Variants in TMEM135 observed in about 807,000 individuals in gnomAD.
TMEM135 encodes peroxisomal membrane protein 52.
In TMEM135, 30 loss-of-function variants were observed where a neutral mutation model predicts 60.3. The ratio of observed to expected loss-of-function variants is 0.50; its 90% CI spans 0.37 to 0.68. TMEM135 has a LOEUF of 0.68. TMEM135 is among the 30% of genes least tolerant of loss of function. The probability of loss-of-function intolerance (pLI) is 0.00; values close to 1 mark genes in which losing one functional copy is unlikely to be tolerated. For missense variants in TMEM135, 468 were observed against 548.8 expected (o/e 0.85, Z 1.47); for synonymous variants, 190 against 186.7 (o/e 1.02, Z -0.14).
At chr11:87,231,536 T>A (rs1387206107) in intron 5 of TMEM135, among the ~76,000 whole-genome samples, 19 of 151,874 alleles carry the variant, frequency 1.3e-4, no homozygotes. Flanking sequence ...ACGACAAAGC[T>A]CAAGAAAACT....
intron 1 of TMEM135, among the ~76,000 whole-genome samples, chr11:87,045,397 T>C (rs1949787255): frequency 6.6e-6 from 1 of 152,136 alleles, no homozygotes; most frequent in Non-Finnish European, 1.5e-5. Flanking sequence ...AACTACAGCC[T>C]CTAGCATGTC....
chr11:87,224,713 A>G (rs564480613), intron 5 of TMEM135, among the ~76,000 whole-genome samples: 173 of 151,082 alleles, frequency 1.1e-3, no homozygotes, highest in African/African-American at 4.1e-3. Context: ...CCCTGAGTTC[A>G]TATAGCACCT....
At chr11:87,160,323 T>C (rs1442430079) in intron 5 of TMEM135, among the ~76,000 whole-genome samples, 1 of 152,214 alleles carries the variant, frequency 6.6e-6, no homozygotes, top group Non-Finnish European at 1.5e-5. Flanking sequence ...TGTTTGAAAC[T>C]TATTTTATAG....
chr11:87,246,948 T>G (rs1400587507), intron 6 of TMEM135, among the ~76,000 whole-genome samples: 1 of 140,932 alleles, frequency 7.1e-6, no homozygotes, highest in Admixed American at 7.2e-5. Flanking sequence ...GAGTTTCCAG[T>G]TTTTCTGTTC....
At chr11:87,108,957 T>C (rs1857671038) in intron 4 of TMEM135, among the ~76,000 whole-genome samples, 1 of 152,012 alleles carries the variant, frequency 6.6e-6, no homozygotes, top group Non-Finnish European at 1.5e-5. Context: ...TATGGAAGAA[T>C]GTCAAAATCA....
chr11:87,082,647 T>G (rs896016898), intron 3 of TMEM135, among the ~76,000 whole-genome samples: 1 of 152,192 alleles, frequency 6.6e-6, no homozygotes, highest in Non-Finnish European at 1.5e-5. Context: ...GGAAGTAGAT[T>G]CATGTGTGAA....
rs184879453 is a variant in TMEM135, at chr11:87,081,194, G to T, written c.362+9579G>T. ...TAGATTATTTAGTTCATTAACATTTGAGGCATTTATTATTTATTGGTATGG... is the reference window on the plus strand; with the variant it reads ...TAGATTATTTAGTTCATTAACATTTTAGGCATTTATTATTTATTGGTATGG... On this transcript the variant is annotated intron_variant, in intron 3 of 14. Transcript: ENST00000305494. 2.6e-5 allele frequency among the ~76,000 whole-genome samples: 4 copies of T among 151,342 alleles called. No homozygotes were observed. The East Asian group carries it at 7.8e-4, about 29-fold the overall frequency.
intron 6 of TMEM135, among the ~76,000 whole-genome samples, chr11:87,286,672 A>T (rs941295831): frequency 6.6e-6 from 1 of 152,180 alleles, no homozygotes; most frequent in Non-Finnish European, 1.5e-5. Flanking sequence ...AATTGCATGA[A>T]TTTTCTTTAG....
intron 5 of TMEM135, among the ~76,000 whole-genome samples, chr11:87,233,311 A>C (rs1472523607): frequency 1.3e-5 from 2 of 152,112 alleles, no homozygotes; most frequent in Non-Finnish European, 2.9e-5. Context: ...TAAATATCTC[A>C]ATTAAGACAC....
intron 5 of TMEM135, among the ~76,000 whole-genome samples, chr11:87,192,095 C>T (rs1176300031): frequency 6.7e-6 from 1 of 149,032 alleles, no homozygotes; most frequent in Non-Finnish European, 1.5e-5. Context: ...GATCCCCCTG[C>T]CTCAGCCTCC....
intron 3 of TMEM135, among the ~76,000 whole-genome samples, chr11:87,086,176 A>C (rs947445619): frequency 2.0e-5 from 3 of 152,154 alleles, no homozygotes; most frequent in African/African-American, 7.2e-5. Flanking sequence ...TGTTCTTAGA[A>C]ATACCTTGTT....
intron 5 of TMEM135, among the ~76,000 whole-genome samples, chr11:87,217,771 T>G (rs1940534208): frequency 6.7e-6 from 1 of 149,398 alleles, no homozygotes; most frequent in South Asian, 2.1e-4. Flanking sequence ...GCAACAAGAG[T>G]GAAACTCTGT....
At chr11:87,052,905 G>T (rs1949851111) in intron 1 of TMEM135, among the ~76,000 whole-genome samples, 1 of 86,946 alleles carries the variant, frequency 1.2e-5, no homozygotes, top group Non-Finnish European at 2.2e-5. Flanking sequence ...CAAAGACTTG[G>T]AACCAACCCA....
intron 4 of TMEM135, among the ~76,000 whole-genome samples, chr11:87,129,627 GC>G (rs1314432727): frequency 6.8e-6 from 1 of 147,026 alleles, no homozygotes; most frequent in Admixed American, 7.0e-5. Flanking sequence ...TGCAACCTCT[GC>G]CCCCCGGGTT....
chr11:87,142,345 G>A (rs1173038371), intron 4 of TMEM135, among the ~76,000 whole-genome samples: 2 of 152,218 alleles, frequency 1.3e-5, no homozygotes, highest in Non-Finnish European at 2.9e-5. Context: ...CATGGATAGA[G>A]TACTGTGGAA....
At chr11:87,157,923 C>T (rs495668) in intron 5 of TMEM135, 56,380 of 153,206 alleles carry the variant, frequency 0.37, 10,897 homozygotes, top group East Asian at 0.67. Flanking sequence ...TTTTCTATCA[C>T]CTCACATACA....
At chr11:87,080,874 C>T (rs746657982) in intron 3 of TMEM135, among the ~76,000 whole-genome samples, 22 of 151,714 alleles carry the variant, frequency 1.5e-4, no homozygotes, top group Non-Finnish European at 2.2e-4. Context: ...TTGGTAGAGA[C>T]GGGGTTTCAC....
At chr11:87,318,384 G>T in intron 13 of TMEM135, 149 bp downstream of exon 13, 1 of 657,840 alleles carries the variant, frequency 1.5e-6, no homozygotes, top group Non-Finnish European at 2.6e-6. Context: ...TTTTTTTTCA[G>T]CAAGATAGCT....
At position 87,327,988 on chromosome 11, in the gene TMEM135, C is replaced by T. The variant is rs1209554136; in HGVS notation, c.*6655C>T. ...TCTCTGCCTAGTCCACGCTAACTCA[C>T]ATGCCAATCTCCTCTGGAAACACCC... On this transcript the variant is annotated 3_prime_UTR_variant, in exon 15 of 15. Transcript: ENST00000305494. 1 of 454,064 alleles carries T rather than the reference C, an allele frequency of 2.2e-6. No homozygotes were observed. The highest frequency in any genetic ancestry group is 2.3e-5 in the Admixed American group (1 of 42,566). The allele number at this position is 454,064 out of a possible 1,614,324, so 28.1% of individuals were successfully genotyped here. A position where few individuals can be genotyped will look rare whatever the true frequency, so the allele number is the denominator to read the frequency against.
Sources: allele counts gnomAD v4.1 joint callset (sites outside exome capture counted in the v4.1 genomes callset), GRCh38; gene constraint gnomAD v4.1.1; transcripts MANE v1.5; gene names NCBI Gene and HGNC (gene_info 2026-07-23, HGNC 2026-07-21).